Variants in ASIC2 observed in about 807,000 individuals in gnomAD.
ASIC2 encodes acid-sensing ion channel 2.
ASIC2 carries 25 observed loss-of-function variants against 57.3 expected under a neutral mutation model. The ratio of observed to expected loss-of-function variants is 0.44; its 90% CI spans 0.32 to 0.61. The LOEUF (loss-of-function observed/expected upper bound fraction) is 0.61. Among genes scored for constraint, ASIC2 ranks in the 20% least tolerant of loss-of-function variants. The pLI is 0.06. For synonymous variants in ASIC2, 319 were observed against 307.5 expected, an observed-to-expected ratio of 1.04 and a Z score of -0.39; for missense variants, 641 against 738.1, an observed-to-expected ratio of 0.87 and a Z score of 1.52.
At chr17:33,279,023 T>A (rs1247131182) in intron 1 of ASIC2, among the ~76,000 whole-genome samples, 1 of 152,160 alleles carries the variant, frequency 6.6e-6, no homozygotes, top group Non-Finnish European at 1.5e-5. Flanking sequence ...GTGGAAAGCA[T>A]CCCTTTGCCT....
chr17:33,464,098 C>T (rs754196067), intron 1 of ASIC2, among the ~76,000 whole-genome samples: 37 of 152,330 alleles, frequency 2.4e-4, no homozygotes, highest in Non-Finnish European at 2.6e-4. Context: ...TGGTCCACTG[C>T]CCTGTTGCCT....
At chr17:33,020,948 C>A (rs16574) in intron 7 of ASIC2, among the ~76,000 whole-genome samples, 24,181 of 152,096 alleles carry the variant, frequency 0.16, 2,134 homozygotes, top group East Asian at 0.4. Context: ...CCAGAGAGAC[C>A]TTTAGGCTGA....
At chr17:33,310,031 G>A (rs944450521) in intron 1 of ASIC2, among the ~76,000 whole-genome samples, 9 of 150,336 alleles carry the variant, frequency 6.0e-5, no homozygotes, top group African/African-American at 2.0e-4. Context: ...TACTACCATG[G>A]TATCCTATAT....
intron 3 of ASIC2, among the ~76,000 whole-genome samples, chr17:33,050,146 A>G (rs988620405): frequency 1.3e-5 from 2 of 152,138 alleles, no homozygotes; most frequent in Non-Finnish European, 2.9e-5. Flanking sequence ...TAACCTGCTG[A>G]GCCTTCTGCT....
upstream of ASIC2, among the ~76,000 whole-genome samples, chr17:33,297,891 G>A (rs932152710): frequency 2.7e-5 from 4 of 148,852 alleles, no homozygotes; most frequent in Non-Finnish European, 5.9e-5. Context: ...GATGTTATGA[G>A]GCACATGGGC....
intron 1 of ASIC2, among the ~76,000 whole-genome samples, chr17:33,877,649 G>A (rs564975671): frequency 6.6e-6 from 1 of 151,496 alleles, no homozygotes; most frequent in Admixed American, 6.9e-5. Context: ...GCTCAAGGAG[G>A]CCTGCCTGCC....
chr17:33,064,264 C>T (rs1368869742), intron 3 of ASIC2, among the ~76,000 whole-genome samples: 1 of 152,152 alleles, frequency 6.6e-6, no homozygotes. Context: ...AGTTTTTCTG[C>T]TCTGTTTTTT....
chr17:34,011,090 C>CGCACAG (rs1906735029), intron 1 of ASIC2, among the ~76,000 whole-genome samples: 1 of 3,400 alleles, frequency 2.9e-4, no homozygotes, highest in Admixed American at 2.3e-3. Flanking sequence ...CACATGCACA[C>CGCACAG]ACACACACAG....
intron 1 of ASIC2, among the ~76,000 whole-genome samples, chr17:33,378,230 C>T (rs1489800827): frequency 1.3e-5 from 2 of 152,192 alleles, no homozygotes; most frequent in African/African-American, 4.8e-5. Context: ...ATATGCATGA[C>T]ACATATACAT....
chr17:33,478,370 A>G (rs1245174937), intron 1 of ASIC2, among the ~76,000 whole-genome samples: 1 of 152,226 alleles, frequency 6.6e-6, no homozygotes, highest in African/African-American at 2.4e-5. Context: ...ATGTAACATC[A>G]AACACGAACT....
At chr17:33,736,140 T>C (rs1909903380) in intron 1 of ASIC2, among the ~76,000 whole-genome samples, 3 of 152,026 alleles carry the variant, frequency 2.0e-5, no homozygotes, top group Non-Finnish European at 2.9e-5. Context: ...GCTGAATAAA[T>C]AGACAAAACC....
chr17:33,266,093 C>T (rs1909448231), intron 1 of ASIC2, among the ~76,000 whole-genome samples: 1 of 152,182 alleles, frequency 6.6e-6, no homozygotes, highest in South Asian at 2.1e-4. Context: ...GGAAACTTTT[C>T]CTGTTTGACA....
chr17:33,802,661 T>A (rs2142146843), intron 1 of ASIC2, among the ~76,000 whole-genome samples: 1 of 152,364 alleles, frequency 6.6e-6, no homozygotes, highest in African/African-American at 2.4e-5. Context: ...TTCCTGGTTT[T>A]AAACAGTAAC....
chr17:33,542,006 G>T (rs1031604127), intron 1 of ASIC2, among the ~76,000 whole-genome samples: 1 of 152,112 alleles, frequency 6.6e-6, no homozygotes, highest in African/African-American at 2.4e-5. Context: ...ATCTCATAAG[G>T]TTCTAACAAA....
At chr17:33,766,602 T>A (rs1212967924) in intron 1 of ASIC2, among the ~76,000 whole-genome samples, 1 of 152,196 alleles carries the variant, frequency 6.6e-6, no homozygotes, top group Non-Finnish European at 1.5e-5. Flanking sequence ...CATATCTGCA[T>A]GTGTAATGTA....
chr17:33,023,923 G>T lies in ASIC2; in HGVS notation c.1287C>A (p.Ile429=), dbSNP rs1360541514. 2 of 1,614,062 alleles carry T rather than the reference G, an allele frequency of 1.2e-6. No homozygotes were observed. The highest frequency in any genetic ancestry group is 1.7e-6 in the Non-Finnish European group (2 of 1,180,038). The stretch of plus-strand genomic sequence containing the variant: ...GGTACTTGGCTGATGTCTTGCTGGG[G>T]ATCTTCACCATGGAGAGCTCTTTGT... The part of the protein sequence containing the change: ...RYNKELSMVK[I]PSKTSAKYLE... Residue 429 remains isoleucine (I), a synonymous_variant, in exon 6 of 10, where the codon ATC becomes ATA. Coordinates refer to ENST00000225823, the MANE Select transcript of ASIC2 (RefSeq NM_183377.2).
intron 1 of ASIC2, chr17:33,530,130 G>C (rs1044454588): frequency 6.6e-6 from 1 of 152,224 alleles, no homozygotes; most frequent in Non-Finnish European, 1.5e-5. Flanking sequence ...CAAGTCCTTA[G>C]ATGTCCTGTT....
chr17:33,204,655 A>G (rs997587840), intron 1 of ASIC2, among the ~76,000 whole-genome samples: 9 of 152,232 alleles, frequency 5.9e-5, no homozygotes, highest in Non-Finnish European at 1.2e-4. Context: ...TGGGTCAGAC[A>G]TGAGCATGTG....
intron 1 of ASIC2, among the ~76,000 whole-genome samples, chr17:33,870,280 G>C (rs1020504810): frequency 1.1e-5 from 1 of 92,140 alleles, no homozygotes. Flanking sequence ...AAGGCTCTCT[G>C]TGGTTGCTGT....
Sources: allele counts gnomAD v4.1 joint callset (sites outside exome capture counted in the v4.1 genomes callset), GRCh38; gene constraint gnomAD v4.1.1; transcripts MANE v1.5; gene names NCBI Gene and HGNC (gene_info 2026-07-23, HGNC 2026-07-21).